Variants in SYT15B observed in about 807,000 individuals in gnomAD.
The protein encoded by SYT15B is synaptotagmin 15B, also known as synaptotagmin-15.
the SYT15B span, among the ~76,000 whole-genome samples, chr10:47,755,503 C>T: frequency 1.3e-5 from 2 of 151,238 alleles, no homozygotes; most frequent in Admixed American, 6.6e-5. Context: ...GATCTGCCTA[C>T]CTCGGCCTCC....
chr10:47,761,106 A>G, the SYT15B span, among the ~76,000 whole-genome samples: 5 of 146,304 alleles, frequency 3.4e-5, no homozygotes, highest in South Asian at 4.3e-4. Flanking sequence ...ACACACGCAC[A>G]CACACACACA....
At chr10:47,761,106 A>ACG in the SYT15B span, among the ~76,000 whole-genome samples, 7 of 146,302 alleles carry the variant, frequency 4.8e-5, no homozygotes, top group African/African-American at 1.8e-4. Context: ...ACACACGCAC[A>ACG]CACACACACA....
chr10:47,762,910 A>G, the SYT15B span: 2 of 1,413,698 alleles, frequency 1.4e-6, 1 homozygote, highest in Non-Finnish European at 1.8e-6. Flanking sequence ...GCTCCCGGAA[A>G]CCGCAGGGCT....
At chr10:47,762,640 TG>T in the SYT15B span, 2 of 670,768 alleles carry the variant, frequency 3.0e-6, no homozygotes, top group Non-Finnish European at 4.1e-6. Flanking sequence ...TTACCCGCCA[TG>T]GGGCTGCTCC....
chr10:47,755,820 T>C, the SYT15B span, among the ~76,000 whole-genome samples: 1 of 143,828 alleles, frequency 7.0e-6, no homozygotes, highest in South Asian at 2.3e-4. Context: ...CTGCTTAACC[T>C]GTTTCTAGGG....
the SYT15B span, among the ~76,000 whole-genome samples, chr10:47,746,808 C>CA: frequency 4.3e-5 from 4 of 92,292 alleles, no homozygotes; most frequent in African/African-American, 8.0e-5. Flanking sequence ...ACCATTATAG[C>CA]AAAAAAATTG....
At chr10:47,744,850 T>A in the SYT15B span, among the ~76,000 whole-genome samples, 2 of 152,038 alleles carry the variant, frequency 1.3e-5, no homozygotes, top group Admixed American at 6.6e-5. Flanking sequence ...AAAATTCACA[T>A]GATTTTTGGA....
the SYT15B span, among the ~76,000 whole-genome samples, chr10:47,756,955 G>A: frequency 1.5e-5 from 2 of 137,370 alleles, no homozygotes; most frequent in African/African-American, 5.5e-5. Flanking sequence ...GGAGGGGCAG[G>A]GCCTGGTATT....
the SYT15B span, chr10:47,762,767 C>T: frequency 3.3e-6 from 4 of 1,194,792 alleles, no homozygotes; most frequent in Non-Finnish European, 4.2e-6. Context: ...TGCTGGTGCC[C>T]AGCTGCGGCG....
chr10:47,747,991 C>A, the SYT15B span, among the ~76,000 whole-genome samples: 3 of 151,958 alleles, frequency 2.0e-5, no homozygotes, highest in African/African-American at 4.8e-5. Context: ...AGAACAGAGA[C>A]AAAGAGTATG....
chr10:47,761,129 G>T, the SYT15B span, among the ~76,000 whole-genome samples: 1 of 125,168 alleles, frequency 8.0e-6, no homozygotes, highest in Non-Finnish European at 1.8e-5. Context: ...CACACACACA[G>T]CAGTGGGATT....
the SYT15B span, among the ~76,000 whole-genome samples, chr10:47,756,527 G>A: frequency 2.9e-5 from 4 of 136,786 alleles, no homozygotes; most frequent in African/African-American, 1.1e-4. Flanking sequence ...CTGTTGGGGG[G>A]CTGCTCACTG....
At chr10:47,760,532 G>A in the SYT15B span, among the ~76,000 whole-genome samples, 1 of 146,486 alleles carries the variant, frequency 6.8e-6, no homozygotes, top group Non-Finnish European at 1.5e-5. Context: ...TTAAGACTAT[G>A]TAAAATGGGG....
chr10:47,761,102 G>GCA, the SYT15B span, among the ~76,000 whole-genome samples: 92,830 of 145,198 alleles, frequency 0.64, 28,120 homozygotes, highest in Non-Finnish European at 0.71. Flanking sequence ...ACACACACAC[G>GCA]CACACACACA....
the SYT15B span, among the ~76,000 whole-genome samples, chr10:47,754,948 TTTTTC>T: frequency 5.6e-5 from 2 of 35,540 alleles, no homozygotes; most frequent in East Asian, 1.9e-3. Context: ...AACCTCTTTC[TTTTTC>T]TTTTCTTTTC....
chr10:47,749,238 A>C, the SYT15B span, among the ~76,000 whole-genome samples: 11,173 of 84,430 alleles, frequency 0.13, 3 homozygotes, highest in African/African-American at 0.18. Flanking sequence ...TGTCTCAAAA[A>C]CAAGCAAACA....
At chr10:47,747,336 G>C in the SYT15B span, among the ~76,000 whole-genome samples, 7 of 151,106 alleles carry the variant, frequency 4.6e-5, no homozygotes, top group Admixed American at 2.6e-4. Flanking sequence ...GGCATCTGCT[G>C]AGTTAAGCTA....
the SYT15B span, among the ~76,000 whole-genome samples, chr10:47,755,250 C>A: frequency 6.6e-6 from 1 of 150,852 alleles, no homozygotes; most frequent in Non-Finnish European, 1.5e-5. Context: ...CCACCGCACC[C>A]AGCCAACCTC....
the SYT15B span, among the ~76,000 whole-genome samples, chr10:47,746,714 ACCACCTCCAG>A: frequency 7.2e-6 from 1 of 138,266 alleles, no homozygotes; most frequent in Non-Finnish European, 1.6e-5. Context: ...CCTAGCTCAG[ACCACCTCCAG>A]CCAACCCACA....
Sources: allele counts gnomAD v4.1 joint callset (sites outside exome capture counted in the v4.1 genomes callset), GRCh38; gene constraint gnomAD v4.1.1; transcripts MANE v1.5; gene names NCBI Gene and HGNC (gene_info 2026-07-23, HGNC 2026-07-21).